Variants in UBE2G1 observed in about 807,000 individuals in gnomAD.
The protein encoded by UBE2G1 is ubiquitin-conjugating enzyme E2 G1.
A neutral mutation model predicts 22.7 loss-of-function variants in UBE2G1; 5 were observed. The observed-to-expected ratio is 0.22, with a 90% CI of 0.12 to 0.46. The LOEUF is 0.46. Among genes scored for constraint, UBE2G1 ranks in the 20% least tolerant of loss-of-function variants. UBE2G1 has a pLI of 0.99. For missense variants in UBE2G1, 88 were observed against 203.9 expected (o/e 0.43, Z 3.46); for synonymous variants, 74 against 67.5 (o/e 1.10, Z -0.47).
intron 1 of UBE2G1, among the ~76,000 whole-genome samples, chr17:4,337,348 GA>G (rs1969660932): frequency 6.8e-6 from 1 of 147,668 alleles, no homozygotes; most frequent in Non-Finnish European, 1.5e-5. Flanking sequence ...AGAAAAGAAA[GA>G]AAGAAAGAAA....
intron 1 of UBE2G1, among the ~76,000 whole-genome samples, chr17:4,308,813 C>T (rs8072251): frequency 0.55 from 83,226 of 152,044 alleles, 26,001 homozygotes; most frequent in East Asian, 0.8. Flanking sequence ...TGATGAAAGG[C>T]AGTATAATAT....
intron 1 of UBE2G1, among the ~76,000 whole-genome samples, chr17:4,315,365 T>A (rs1257346789): frequency 2.6e-5 from 4 of 152,228 alleles, no homozygotes; most frequent in Non-Finnish European, 4.4e-5. Flanking sequence ...AAAACTTCAC[T>A]GCACCTCAGC....
rs879676012 is a variant in UBE2G1, at chr17:4,270,965, TCTCA to T, written c.*1585_*1588del. On this transcript the variant is annotated 3_prime_UTR_variant, in exon 6 of 6. Coordinates refer to ENST00000396981, the MANE Select transcript of UBE2G1 (RefSeq NM_003342.5). ...CCCCACAGAGCAGAGATGCACGAAT[TCTCA>T]CTGATTCTCACAATCAAACACCATG... 4 of 152,178 alleles carry T rather than the reference TCTCA, an allele frequency of 2.6e-5. No homozygotes were observed. The highest frequency in any genetic ancestry group is 7.2e-5 in the African/African-American group (3 of 41,440). 9.4% of individuals were successfully genotyped at this position (152,178 alleles called of 1,614,324 possible).
At chr17:4,315,127 T>G (rs933139653) in intron 1 of UBE2G1, among the ~76,000 whole-genome samples, 1 of 152,140 alleles carries the variant, frequency 6.6e-6, no homozygotes, top group African/African-American at 2.4e-5. Flanking sequence ...ATGTTTAGAA[T>G]GTACTTCACA....
At chr17:4,302,986 CAG>C (rs946438817) in intron 2 of UBE2G1, among the ~76,000 whole-genome samples, 2 of 151,832 alleles carry the variant, frequency 1.3e-5, no homozygotes, top group Non-Finnish European at 2.9e-5. Context: ...ACAGTGAAAA[CAG>C]AAAAACACAG....
At position 4,307,135 on chromosome 17, in the gene UBE2G1, G is replaced by T. The variant is rs750708035; in HGVS notation, c.47-12C>A. The T allele has an allele frequency of 1.2e-4, 195 of 1,609,148 alleles. No individual in the cohort carries two copies. Among genetic ancestry groups the T allele is most frequent in the Non-Finnish European group, 1.6e-4 (186 of 1,175,928 alleles). ...ATTTTTGTTGAGTTCTGTGGAAAAA[G>T]AAAAGTTTAATCAATACATTTAAGC... On this transcript the variant is annotated splice_polypyrimidine_tract_variant and intron_variant, in intron 1 of 5. Coordinates refer to ENST00000396981, the MANE Select transcript of UBE2G1 (RefSeq NM_003342.5).
intron 5 of UBE2G1, 62 bp downstream of exon 5, chr17:4,282,736 T>A (rs1368419904): frequency 9.0e-7 from 1 of 1,113,232 alleles, no homozygotes; most frequent in Non-Finnish European, 1.3e-6. Flanking sequence ...AATCACACAA[T>A]TTCCAAAAAC....
At chr17:4,280,336 C>CTTTTTTTTTTTTTTT (rs71144178) in intron 5 of UBE2G1, among the ~76,000 whole-genome samples, 1 of 68,950 alleles carries the variant, frequency 1.5e-5, no homozygotes, top group African/African-American at 6.6e-5. Context: ...GGCACCTGGG[C>CTTTTTTTTTTTTTTT]TTTTTTTTTT....
intron 5 of UBE2G1, among the ~76,000 whole-genome samples, chr17:4,282,105 TAG>T (rs1968900251): frequency 6.6e-6 from 1 of 152,176 alleles, no homozygotes; most frequent in South Asian, 2.1e-4. Context: ...TTTTCTGAGA[TAG>T]AGTCTTGCTC....
chr17:4,286,402 C>T (rs1968964119), intron 4 of UBE2G1, among the ~76,000 whole-genome samples: 1 of 78,832 alleles, frequency 1.3e-5, no homozygotes. Context: ...GAGACTCTGT[C>T]TCAAAAAAAA....
At chr17:4,293,952 A>C (rs1969073233) in intron 3 of UBE2G1, among the ~76,000 whole-genome samples, 1 of 152,158 alleles carries the variant, frequency 6.6e-6, no homozygotes, top group Non-Finnish European at 1.5e-5. Flanking sequence ...ATCTTCTATG[A>C]GTGTAATCTT....
At chr17:4,289,488 G>C (rs1969008605) in intron 3 of UBE2G1, 80 bp from the exon 4 acceptor site, 16 of 1,380,240 alleles carry the variant, frequency 1.2e-5, no homozygotes, top group Non-Finnish European at 2.9e-6. Flanking sequence ...ATGTGATCCT[G>C]ATTCACACAG....
chr17:4,344,785 C>T (rs950303965), intron 1 of UBE2G1, among the ~76,000 whole-genome samples: 1 of 152,056 alleles, frequency 6.6e-6, no homozygotes, highest in Non-Finnish European at 1.5e-5. Flanking sequence ...CACTTGAGCC[C>T]AGGGGTTTGA....
rs182058920 is a variant in UBE2G1 at position 4,331,579 on chromosome 17, C to T, written c.47-24456G>A. The stretch of plus-strand genomic sequence containing the variant: ...TGTCTTCTAGTTCAAGGTGTCAGTG[C>T]GGGCACATGTGCTTATCTCCTCTTC... On this transcript the variant is annotated intron_variant, in intron 1 of 5. Transcript: ENST00000396981. 3.3e-5 allele frequency among the ~76,000 whole-genome samples: 5 copies of T among 152,052 alleles called. No homozygotes were observed. The East Asian group carries it at 5.8e-4, about 18-fold the overall frequency.
chr17:4,349,797 T>C (rs546545311), intron 1 of UBE2G1, among the ~76,000 whole-genome samples: 15 of 150,724 alleles, frequency 1.0e-4, no homozygotes, highest in Non-Finnish European at 2.1e-4. Flanking sequence ...GAGCCGAGAT[T>C]GCGCCACTAC....
At chr17:4,315,553 A>G (rs1969356661) in intron 1 of UBE2G1, among the ~76,000 whole-genome samples, 1 of 151,606 alleles carries the variant, frequency 6.6e-6, no homozygotes, top group Non-Finnish European at 1.5e-5. Flanking sequence ...ATCTTGGCTA[A>G]CACCGTGAAA....
At chr17:4,276,480 G>T (rs1316216043) in intron 5 of UBE2G1, among the ~76,000 whole-genome samples, 2 of 152,200 alleles carry the variant, frequency 1.3e-5, no homozygotes, top group Non-Finnish European at 2.9e-5. Flanking sequence ...TTTTAATGTG[G>T]TTTAACCTTA....
intron 3 of UBE2G1, among the ~76,000 whole-genome samples, chr17:4,291,312 A>G (rs1969036695): frequency 6.7e-6 from 1 of 149,080 alleles, no homozygotes; most frequent in African/African-American, 2.5e-5. Context: ...ATGAGCCAAC[A>G]TCACACCACT....
intron 1 of UBE2G1, among the ~76,000 whole-genome samples, chr17:4,341,235 G>A (rs929148807): frequency 3.9e-5 from 6 of 152,214 alleles, no homozygotes; most frequent in African/African-American, 1.4e-4. Flanking sequence ...TGGGTACTAT[G>A]TTCTGTAATC....
Sources: allele counts gnomAD v4.1 joint callset (sites outside exome capture counted in the v4.1 genomes callset), GRCh38; gene constraint gnomAD v4.1.1; transcripts MANE v1.5; gene names NCBI Gene and HGNC (gene_info 2026-07-23, HGNC 2026-07-21).